The following SHANK2 variants were observed in gnomAD, a reference collection of about 807,000 sequenced individuals.
SHANK2 encodes SH3 and multiple ankyrin repeat domains 2.
Under a neutral mutation model 133.7 loss-of-function variants are expected in SHANK2, and 43 were observed. The ratio of observed to expected loss-of-function variants is 0.32; its 90% CI spans 0.25 to 0.41. The LOEUF is 0.41. Among genes scored for constraint, SHANK2 ranks in the 10% least tolerant of loss-of-function variants. The pLI, the probability that SHANK2 is intolerant of heterozygous loss-of-function variation, is 1.00. For synonymous variants in SHANK2, 1,017 were observed against 952.8 expected, an observed-to-expected ratio of 1.07 and a Z score of -1.24; for missense variants, 1,994 against 2,235.8, an observed-to-expected ratio of 0.89 and a Z score of 2.18.
chr11:71,211,965 C>T (rs1237478570), intron 2 of SHANK2, among the ~76,000 whole-genome samples: 4 of 152,152 alleles, frequency 2.6e-5, no homozygotes, highest in Admixed American at 6.5e-5. Flanking sequence ...ACCTCAAAGC[C>T]TATTCACTGT....
chr11:70,667,543 C>T (rs557618699), intron 15 of SHANK2, among the ~76,000 whole-genome samples: 5 of 152,262 alleles, frequency 3.3e-5, no homozygotes, highest in African/African-American at 1.2e-4. Flanking sequence ...TAGCAGTGGC[C>T]CGGGTTCCCT....
chr11:70,644,122 A>G (rs911320623), intron 17 of SHANK2, among the ~76,000 whole-genome samples: 2 of 152,232 alleles, frequency 1.3e-5, no homozygotes, highest in African/African-American at 2.4e-5. Flanking sequence ...TAAACAACAA[A>G]AAGTGAAGAA....
chr11:70,709,271 G>T (rs1215637396), intron 14 of SHANK2, among the ~76,000 whole-genome samples: 2 of 152,234 alleles, frequency 1.3e-5, no homozygotes, highest in Non-Finnish European at 2.9e-5. Flanking sequence ...GAATGGGACA[G>T]TTCAAAAGGT....
chr11:70,624,532 CAAAAA>C (rs71049929), intron 17 of SHANK2, among the ~76,000 whole-genome samples: 1 of 138,266 alleles, frequency 7.2e-6, no homozygotes, highest in Non-Finnish European at 1.6e-5. Flanking sequence ...CAACCTTCTT[CAAAAA>C]AAAAAAAAAG....
At chr11:70,735,721 T>A (rs1382922906) in intron 14 of SHANK2, among the ~76,000 whole-genome samples, 5 of 142,554 alleles carry the variant, frequency 3.5e-5, no homozygotes, top group Admixed American at 7.0e-5. Flanking sequence ...AAAAAAAAAA[T>A]GTGCAGAGGG....
intron 3 of SHANK2, among the ~76,000 whole-genome samples, chr11:71,133,237 AATGGATGGATGGATGG>A (rs533210236): frequency 1.8e-4 from 20 of 109,138 alleles, no homozygotes; most frequent in South Asian, 6.5e-4. Flanking sequence ...TGCACAGATG[AATGGATGGATGGATGG>A]ATGGATGGAT....
chr11:70,902,163 C>G (rs1487705050), intron 10 of SHANK2, among the ~76,000 whole-genome samples: 1 of 152,216 alleles, frequency 6.6e-6, no homozygotes, highest in Non-Finnish European at 1.5e-5. Flanking sequence ...AGGCGGCCAC[C>G]CGGGCAGTGT....
intron 15 of SHANK2, among the ~76,000 whole-genome samples, chr11:70,683,430 C>T (rs782440267): frequency 1.8e-4 from 28 of 152,226 alleles, no homozygotes; most frequent in African/African-American, 3.1e-4. Context: ...TGGAACTTGC[C>T]GCCTTCTACC....
At chr11:71,116,066 G>C (rs1590927713) in intron 4 of SHANK2, among the ~76,000 whole-genome samples, 1 of 152,314 alleles carries the variant, frequency 6.6e-6, no homozygotes, top group South Asian at 2.1e-4. Flanking sequence ...CCCTGAATCT[G>C]ACACATGGTC....
chr11:70,667,283 G>A (rs1450158461), intron 15 of SHANK2, among the ~76,000 whole-genome samples: 1 of 152,154 alleles, frequency 6.6e-6, no homozygotes, highest in Non-Finnish European at 1.5e-5. Context: ...ATGCCCTCCT[G>A]GGAGCCACTT....
intron 2 of SHANK2, among the ~76,000 whole-genome samples, chr11:71,222,170 G>A (rs1555121308): frequency 7.2e-6 from 1 of 139,590 alleles, no homozygotes; most frequent in Admixed American, 7.2e-5. Flanking sequence ...TCCAGCCGAG[G>A]GGACTGATCT....
chr11:70,809,481 C>T (rs1948234593), intron 12 of SHANK2, among the ~76,000 whole-genome samples: 1 of 152,174 alleles, frequency 6.6e-6, no homozygotes, highest in Non-Finnish European at 1.5e-5. Context: ...ACTCATGTGT[C>T]CCTGATAATT....
At chr11:71,183,574 C>T (rs1555114091) in intron 2 of SHANK2, among the ~76,000 whole-genome samples, 1 of 152,224 alleles carries the variant, frequency 6.6e-6, no homozygotes, top group African/African-American at 2.4e-5. Flanking sequence ...TACATCAATG[C>T]ATGCGGCTCA....
Position 70,708,469 on chromosome 11 carries a change from C to T in SHANK2, c.1778-9706G>A, listed in dbSNP as rs1259536951. 2.6e-5 allele frequency among the ~76,000 whole-genome samples: 4 copies of T among 152,204 alleles called. No individual in the cohort carries two copies. The East Asian group carries it at 7.7e-4, about 29-fold the overall frequency. On this transcript the variant is annotated intron_variant, in intron 14 of 25. Transcript: ENST00000601538. Reference sequence around the variant, plus strand: ...CACGTTTCCAATCAGTCCCCGCACTCCCCCACCACGAGAGCCACATGCCGC... The same window carrying T: ...CACGTTTCCAATCAGTCCCCGCACTTCCCCACCACGAGAGCCACATGCCGC...
chr11:71,076,700 T>TGGGGGCTA (rs1951224769), intron 8 of SHANK2, among the ~76,000 whole-genome samples: 1 of 152,110 alleles, frequency 6.6e-6, no homozygotes, highest in Admixed American at 6.5e-5. Context: ...CGTTTGCCTT[T>TGGGGGCTA]GGGGGCTACC....
intron 11 of SHANK2, among the ~76,000 whole-genome samples, chr11:70,881,254 C>T (rs641460): frequency 0.93 from 141,723 of 152,036 alleles, 66,824 homozygotes; most frequent in East Asian, 1. Flanking sequence ...ACCATCTCAC[C>T]CAGGCTGGTC....
chr11:70,857,295 A>T (rs182600482), intron 11 of SHANK2, among the ~76,000 whole-genome samples: 1 of 152,268 alleles, frequency 6.6e-6, no homozygotes, highest in Non-Finnish European at 1.5e-5. Flanking sequence ...TGTTTTAGGA[A>T]TCAAATTGGA....
chr11:71,189,188 G>A (rs1244153900), intron 2 of SHANK2, among the ~76,000 whole-genome samples: 1 of 152,132 alleles, frequency 6.6e-6, no homozygotes, highest in Non-Finnish European at 1.5e-5. Context: ...TGGCCACCCC[G>A]GCTTCCCGCC....
chr11:70,587,583 T>G (rs189544803), intron 17 of SHANK2, among the ~76,000 whole-genome samples: 7 of 152,208 alleles, frequency 4.6e-5, no homozygotes, highest in Admixed American at 3.9e-4. Context: ...AGAAAAGGTA[T>G]AAAAAAGATG....
Sources: gnomAD v4.1 joint callset for allele counts (sites outside exome capture counted in the v4.1 genomes callset) on GRCh38, gnomAD v4.1.1 for gene constraint, MANE v1.5 for transcripts, NCBI Gene and HGNC (gene_info 2026-07-23, HGNC 2026-07-21) for gene names.